The following DCSTAMP variants were observed in gnomAD, a reference collection of about 807,000 sequenced individuals.
DCSTAMP encodes dendrocyte expressed seven transmembrane protein.
Under a neutral mutation model 33.8 loss-of-function variants are expected in DCSTAMP, and 25 were observed. That is an observed-to-expected ratio of 0.74 (90% confidence interval 0.54 to 1.03). DCSTAMP has a LOEUF of 1.03. Among genes scored for constraint, DCSTAMP ranks in the 50% least tolerant of loss-of-function variants. DCSTAMP has a pLI of 0.00. For missense variants in DCSTAMP, 531 were observed against 556.8 expected (o/e 0.95, Z 0.47); for synonymous variants, 245 against 216.7 (o/e 1.13, Z -1.15).
At position 104,348,530 on chromosome 8, in the gene DCSTAMP, T is replaced by C; in HGVS notation, c.-12-11T>C. The C allele has an allele frequency of 6.3e-7, 1 of 1,592,032 alleles. No individual in the cohort carries two copies. The highest frequency in any genetic ancestry group is 2.2e-5 in the East Asian group (1 of 44,674). ...AGTAATTTCTGACCTTGGTTTCTTT[T>C]TCATTTTCAGGACGCAGGGAGCATG... On this transcript the variant is annotated splice_polypyrimidine_tract_variant and intron_variant, in intron 1 of 3. Coordinates refer to ENST00000297581, the MANE Select transcript of DCSTAMP (RefSeq NM_030788.4).
At chr8:104,347,556 G>A (rs2140471346) in intron 1 of DCSTAMP, among the ~76,000 whole-genome samples, 1 of 152,286 alleles carries the variant, frequency 6.6e-6, no homozygotes, top group African/African-American at 2.4e-5. Context: ...AGACTCTCTA[G>A]CAGACCAGTA....
chr8:104,342,692 C>T (rs7837293), intron 1 of DCSTAMP, among the ~76,000 whole-genome samples: 6,323 of 152,290 alleles, frequency 0.042, 138 homozygotes, highest in Middle Eastern at 0.12. Context: ...GGATGAGCCC[C>T]CATTCCTGAC....
chr8:104,354,935 C>T lies in DCSTAMP; in HGVS notation c.1088C>T (p.Pro363Leu). The T allele has an allele frequency of 3.1e-6, 5 of 1,612,010 alleles. No individual in the cohort carries two copies. The highest frequency in any genetic ancestry group is 3.4e-6 in the Non-Finnish European group (4 of 1,178,132). The change falls in exon 3 of 4, where the codon CCC (proline) becomes CTC (leucine). Residue 363 changes from proline to leucine, a missense_variant. Transcript: ENST00000297581. ...DSSFNISVFE[P>L]NCIPKPKFLL... ...TCCTTTAATATATCTGTGTTTGAACCCAACTGTATCCCAAAACCAAAATTC... is the reference window on the plus strand; with the variant it reads ...TCCTTTAATATATCTGTGTTTGAACTCAACTGTATCCCAAAACCAAAATTC...
rs1238636963 is a variant in DCSTAMP, at chr8:104,352,257, C to T, written c.1030-2620C>T. ...GTCCCATGGCTCCTGCCCTCCTAAG[C>T]CTGGGCTGCTTCTCAGAGTTGATTA... On this transcript the variant is annotated intron_variant, in intron 2 of 3. Transcript: ENST00000297581. 7.9e-5 allele frequency among the ~76,000 whole-genome samples: 12 copies of T among 152,320 alleles called. No individual in the cohort carries two copies. The East Asian group carries it at 1.9e-3, about 24-fold the overall frequency.
intron 2 of DCSTAMP, 134 bp downstream of exon 2, chr8:104,349,715 C>A: frequency 1.0e-6 from 1 of 991,968 alleles, no homozygotes; most frequent in Non-Finnish European, 1.5e-6. Flanking sequence ...TAGTGCTTGG[C>A]ACATAGAAGG....
At chr8:104,350,446 G>C (rs1381437998) in intron 2 of DCSTAMP, among the ~76,000 whole-genome samples, 1 of 152,176 alleles carries the variant, frequency 6.6e-6, no homozygotes, top group African/African-American at 2.4e-5. Flanking sequence ...AGGCATCAGT[G>C]CAATGTTTAA....
rs765823680 is a variant in DCSTAMP at position 104,349,107 on chromosome 8, GC to G, written c.556del (p.Leu186Ter). 3 of 1,614,160 alleles carry G rather than the reference GC, an allele frequency of 1.9e-6. No individual in the cohort carries two copies. The South Asian group carries it at 3.3e-5, about 18-fold the overall frequency. On this transcript the variant is annotated frameshift_variant, in exon 2 of 4. Coordinates refer to ENST00000297581, the MANE Select transcript of DCSTAMP (RefSeq NM_030788.4). LOFTEE classifies it high-confidence loss of function. ...FSPSHVLEAQLNDSKGEVLSV... is the reference protein window; with the variant it reads ...FSPSHVLEAQXNDSKGEVLSV... ...GTCCCAGCCATGTCCTGGAGGCACA[GC>G]TAAATGACAGCAAAGGGGAAGTCCT...
chr8:104,352,560 C>T (rs1173942186), intron 2 of DCSTAMP, among the ~76,000 whole-genome samples: 1 of 152,062 alleles, frequency 6.6e-6, no homozygotes, highest in Non-Finnish European at 1.5e-5. Context: ...CAGCAAGTAC[C>T]CATGGCTGTG....
At chr8:104,353,123 CAG>C (rs1355293890) in intron 2 of DCSTAMP, among the ~76,000 whole-genome samples, 1 of 152,174 alleles carries the variant, frequency 6.6e-6, no homozygotes, top group Non-Finnish European at 1.5e-5. Flanking sequence ...TAAAAATAGC[CAG>C]AGTTTCTACT....
intron 2 of DCSTAMP, among the ~76,000 whole-genome samples, chr8:104,352,762 G>A (rs1420696336): frequency 6.6e-6 from 1 of 152,182 alleles, no homozygotes; most frequent in East Asian, 1.9e-4. Context: ...AGGTCACCAT[G>A]AACACACGTG....
chr8:104,356,069 C>T (rs756451858), intron 3 of DCSTAMP, 55 bp from the exon 4 acceptor site: 54 of 1,488,390 alleles, frequency 3.6e-5, no homozygotes, highest in Non-Finnish European at 4.9e-5. Flanking sequence ...ATGTCAGAGG[C>T]ATTTAAAATG....
rs1810375372 is a variant in DCSTAMP, at chr8:104,348,599, A to G, written c.47A>G (p.Glu16Gly). ...ACTGATATCTTCCTAAGTCTTTGGG[A>G]GATTTACGTGTCTCCAAGAAGCCCC... ...SGTDIFLSLW[E>G]IYVSPRSPGW... The change falls in exon 2 of 4, where the codon GAG becomes GGG. Residue 16 changes from glutamate to glycine, a missense_variant. By Grantham distance (98) the Glu-to-Gly change is moderately conservative. Coordinates refer to ENST00000297581, the MANE Select transcript of DCSTAMP (RefSeq NM_030788.4). The G allele has an allele frequency of 6.2e-7, 1 of 1,613,992 alleles. No homozygotes were observed. Among genetic ancestry groups the G allele is most frequent in the African/African-American group, 1.3e-5 (1 of 74,870 alleles).
chr8:104,354,015 A>G (rs1349064939), intron 2 of DCSTAMP, among the ~76,000 whole-genome samples: 1 of 152,182 alleles, frequency 6.6e-6, no homozygotes, highest in Non-Finnish European at 1.5e-5. Context: ...GGATCAGCAC[A>G]CACTTCTCTT....
chr8:104,350,299 C>T (rs1010015765), intron 2 of DCSTAMP, among the ~76,000 whole-genome samples: 24 of 152,136 alleles, frequency 1.6e-4, no homozygotes, highest in South Asian at 1.0e-3. Context: ...GACTATCCGG[C>T]GTGAACCTAA....
Position 104,348,759 on chromosome 8 carries a change from T to C in DCSTAMP, c.207T>C (p.Cys69=). Residue 69 remains cysteine, a synonymous_variant, in exon 2 of 4, where the codon TGT becomes TGC. Coordinates refer to ENST00000297581, the MANE Select transcript of DCSTAMP (RefSeq NM_030788.4). ...IAAAASWIIT[C]VLLCCSKHAR... is the part of the protein sequence containing the mutation. ...CCGCTGCCTCCTGGATTATCACGTG[T>C]GTTCTGCTGTGTTGCTCCAAGCATG... The C allele has an allele frequency of 6.2e-7, 1 of 1,614,214 alleles. No homozygotes were observed. Among genetic ancestry groups the C allele is most frequent in the East Asian group, 2.2e-5 (1 of 44,886 alleles).
chr8:104,354,980 T>C lies in DCSTAMP; in HGVS notation c.1133T>C (p.Val378Ala), dbSNP rs3802205. Residue 378 changes from valine (V) to alanine (A), a missense_variant, in exon 3 of 4, where the codon GTT becomes GCT. By Grantham distance (64) the Val-to-Ala change is moderately conservative. Coordinates refer to ENST00000297581, the MANE Select transcript of DCSTAMP (RefSeq NM_030788.4). ...KPKFLLSETW[V>A]PLSVILLILV... ...AAATTCCTTCTATCTGAGACCTGGG[T>C]TCCTCTCAGTGTTATTCTTTTGATA... is the stretch of plus-strand genomic sequence containing the variant. The C allele has an allele frequency of 3.4e-5, 55 of 1,613,892 alleles. No homozygotes were observed. In the East Asian group the frequency reaches 1.2e-3, roughly 36 times the overall value.
At chr8:104,354,820 A>G (rs762946035) in intron 2 of DCSTAMP, 57 bp from the exon 3 acceptor site, 176 of 1,209,530 alleles carry the variant, frequency 1.5e-4, no homozygotes, top group Non-Finnish European at 1.9e-4. Flanking sequence ...ACTGAGAAAG[A>G]CAAGAACTGA....
At chr8:104,340,854 C>T (rs533742060) in intron 1 of DCSTAMP, among the ~76,000 whole-genome samples, 18 of 152,282 alleles carry the variant, frequency 1.2e-4, no homozygotes, top group African/African-American at 3.4e-4. Flanking sequence ...ACTGGGTTCC[C>T]GCAGGGGACC....
intron 1 of DCSTAMP, among the ~76,000 whole-genome samples, chr8:104,348,253 G>A (rs1810364465): frequency 6.6e-6 from 1 of 152,214 alleles, no homozygotes; most frequent in Non-Finnish European, 1.5e-5. Context: ...TTCCGTGAGA[G>A]CACGTGGAGC....
Sources: gnomAD v4.1 joint callset for allele counts (sites outside exome capture counted in the v4.1 genomes callset) on GRCh38, gnomAD v4.1.1 for gene constraint, MANE v1.5 for transcripts, NCBI Gene and HGNC (gene_info 2026-07-23, HGNC 2026-07-21) for gene names.